IKZF3: variants seen among roughly 807,000 people sequenced by gnomAD.
IKZF3 encodes the protein zinc finger protein Aiolos.
Under a neutral mutation model 49.0 loss-of-function variants are expected in IKZF3, and 10 were observed. The ratio of observed to expected loss-of-function variants is 0.20; its 90% CI spans 0.13 to 0.35. IKZF3 has a LOEUF of 0.35. Ranked by LOEUF, IKZF3 falls within the 10% of genes least tolerant of loss-of-function variation. The pLI is 1.00. For missense variants in IKZF3, 498 were observed against 664.8 expected (o/e 0.75, Z 2.76); for synonymous variants, 209 against 228.2 (o/e 0.92, Z 0.76).
intron 2 of IKZF3, 151 bp downstream of exon 2, chr17:39,831,947 T>C (rs1045191055): frequency 1.7e-5 from 10 of 597,698 alleles, no homozygotes; most frequent in Non-Finnish European, 2.6e-5. Flanking sequence ...GGATGAGTTA[T>C]TTTTTCATCA....
At chr17:39,779,577 T>C (rs764404524) in intron 6 of IKZF3, among the ~76,000 whole-genome samples, 9 of 152,082 alleles carry the variant, frequency 5.9e-5, no homozygotes, top group Non-Finnish European at 1.3e-4. Context: ...CAAACTTTTG[T>C]CTGTAAAGGG....
Position 39,758,924 on chromosome 17 carries a change from A to G in IKZF3, c.*6866T>C, listed in dbSNP as rs2143471200. 1 of 150,522 alleles carries G rather than the reference A, an allele frequency of 6.6e-6. No homozygotes were observed. The highest frequency in any genetic ancestry group is 2.1e-4 in the South Asian group (1 of 4,682). 9.3% of individuals were successfully genotyped at this position (150,522 alleles called of 1,614,324 possible). ...GTACATTTTCCACTGAAAATTTACA[A>G]TCATCCAACATAATGCACACCACCC... On this transcript the variant is annotated 3_prime_UTR_variant, in exon 8 of 8. Coordinates refer to ENST00000346872, the MANE Select transcript of IKZF3 (RefSeq NM_012481.5).
intron 4 of IKZF3, 103 bp from the exon 5 acceptor site, chr17:39,791,686 T>C: frequency 8.5e-7 from 1 of 1,171,346 alleles, no homozygotes; most frequent in African/African-American, 1.5e-5. Context: ...AGACAATTAC[T>C]GTTCACATTG....
chr17:39,864,219 G>T lies in IKZF3; in HGVS notation c.-93C>A. 1 of 1,458,350 alleles carries T rather than the reference G, an allele frequency of 6.9e-7. No homozygotes were observed. The highest frequency in any genetic ancestry group is 9.3e-7 in the Non-Finnish European group (1 of 1,075,554). The allele number at this position is 1,458,350 out of a possible 1,614,324, so 90.3% of individuals were successfully genotyped here. A position where few individuals can be genotyped will look rare whatever the true frequency, so the allele number is the denominator to read the frequency against. Reference sequence around the variant, plus strand: ...CCTGGACTCAGCGCGCAGCTGGCGGGAGATTCCCGGCGCGGGGAGTCCCCG... The same window carrying T: ...CCTGGACTCAGCGCGCAGCTGGCGGTAGATTCCCGGCGCGGGGAGTCCCCG... On this transcript the variant is annotated 5_prime_UTR_variant, in exon 1 of 8. Coordinates refer to ENST00000346872, the MANE Select transcript of IKZF3 (RefSeq NM_012481.5).
At position 39,792,668 on chromosome 17, in the gene IKZF3, T is replaced by C. The variant is rs780267337; in HGVS notation, c.424+5A>G. ...TCAGAAGAATGAAAAAAGCAGACTA[T>C]TTACCAGTATGGCTTCGCTTATGAA... On this transcript the variant is annotated splice_donor_5th_base_variant and intron_variant, in intron 4 of 7. Transcript: ENST00000346872. 6.2e-7 allele frequency: 1 copy of C among 1,612,278 alleles called. No homozygotes were observed. Among genetic ancestry groups the C allele is most frequent in the Non-Finnish European group, 8.5e-7 (1 of 1,178,938 alleles).
chr17:39,859,118 T>G (rs1359763573), intron 1 of IKZF3, among the ~76,000 whole-genome samples: 1 of 151,868 alleles, frequency 6.6e-6, no homozygotes, highest in African/African-American at 2.4e-5. Context: ...CCTTAAATTT[T>G]TTAAGTAACT....
At chr17:39,780,579 A>C (rs1220718337) in intron 6 of IKZF3, among the ~76,000 whole-genome samples, 1 of 152,192 alleles carries the variant, frequency 6.6e-6, no homozygotes, top group Non-Finnish European at 1.5e-5. Context: ...TCTGGTCTCC[A>C]ACTCTTGGCC....
chr17:39,787,404 T>A (rs541703566), intron 6 of IKZF3, among the ~76,000 whole-genome samples: 1 of 152,204 alleles, frequency 6.6e-6, no homozygotes, highest in Non-Finnish European at 1.5e-5. Context: ...AATAGAAGCA[T>A]CACAATAAAT....
intron 3 of IKZF3, among the ~76,000 whole-genome samples, chr17:39,825,342 G>A (rs555064757): frequency 6.6e-6 from 1 of 152,332 alleles, no homozygotes; most frequent in Admixed American, 6.5e-5. Context: ...AGGTCCCAGA[G>A]AGGTGGTTAT....
chr17:39,775,025 T>G (rs993721795), intron 7 of IKZF3, among the ~76,000 whole-genome samples: 14 of 152,192 alleles, frequency 9.2e-5, no homozygotes, highest in African/African-American at 3.1e-4. Flanking sequence ...GGGAGGAGAC[T>G]TCCTGGTCAC....
intron 1 of IKZF3, chr17:39,839,388 CT>C: frequency 3.3e-6 from 2 of 602,154 alleles, no homozygotes; most frequent in Non-Finnish European, 3.1e-6. Context: ...CAGCTTGGTT[CT>C]TTTCCAATGT....
intron 3 of IKZF3, among the ~76,000 whole-genome samples, chr17:39,809,792 T>C (rs2061509428): frequency 2.0e-5 from 3 of 152,212 alleles, no homozygotes; most frequent in African/African-American, 7.2e-5. Context: ...AATTAAAAGA[T>C]TGACATAGAT....
intron 6 of IKZF3, among the ~76,000 whole-genome samples, chr17:39,781,768 T>C (rs1208908387): frequency 1.3e-5 from 2 of 152,242 alleles, no homozygotes; most frequent in African/African-American, 2.4e-5. Context: ...TGGCAAACTT[T>C]TGAGATAACA....
chr17:39,816,238 T>A (rs1340172897), intron 3 of IKZF3, among the ~76,000 whole-genome samples: 1 of 152,246 alleles, frequency 6.6e-6, no homozygotes. Flanking sequence ...CAACTATACA[T>A]GCATGTGATA....
At chr17:39,857,342 T>C (rs1376426325) in intron 1 of IKZF3, among the ~76,000 whole-genome samples, 1 of 152,238 alleles carries the variant, frequency 6.6e-6, no homozygotes, top group Non-Finnish European at 1.5e-5. Flanking sequence ...GGTAAATTAA[T>C]AGTCTCTCTA....
intron 1 of IKZF3, among the ~76,000 whole-genome samples, chr17:39,837,933 C>T (rs192127657): frequency 2.2e-4 from 33 of 152,156 alleles, no homozygotes; most frequent in Admixed American, 1.9e-3. Context: ...TGAGCCACCA[C>T]GCCTGGCCTG....
At chr17:39,831,246 T>C (rs970320124) in intron 2 of IKZF3, among the ~76,000 whole-genome samples, 2 of 152,014 alleles carry the variant, frequency 1.3e-5, no homozygotes, top group Non-Finnish European at 2.9e-5. Flanking sequence ...TGGTGGTGCA[T>C]GCCTGTAATC....
chr17:39,813,306 A>C (rs1264350409), intron 3 of IKZF3, among the ~76,000 whole-genome samples: 2 of 150,610 alleles, frequency 1.3e-5, no homozygotes, highest in Admixed American at 6.6e-5. Flanking sequence ...TAGTTATGAA[A>C]AAAAAAAAAA....
chr17:39,850,032 T>A (rs1437225607), intron 1 of IKZF3, among the ~76,000 whole-genome samples: 1 of 146,218 alleles, frequency 6.8e-6, no homozygotes, highest in Admixed American at 7.0e-5. Context: ...TGTGTGTGTG[T>A]GTATATATAT....
Sources: allele counts gnomAD v4.1 joint callset (sites outside exome capture counted in the v4.1 genomes callset), GRCh38; gene constraint gnomAD v4.1.1; transcripts MANE v1.5; gene names NCBI Gene and HGNC (gene_info 2026-07-23, HGNC 2026-07-21).